NDUFAF2: variants seen among roughly 807,000 people sequenced by gnomAD.
The protein encoded by NDUFAF2 is NADH dehydrogenase [ubiquinone] 1 alpha subcomplex assembly factor 2.
NDUFAF2 carries 13 observed loss-of-function variants against 22.8 expected under a neutral mutation model. The ratio of observed to expected loss-of-function variants is 0.57; its 90% confidence interval spans 0.37 to 0.91. The LOEUF (loss-of-function observed/expected upper bound fraction) is 0.91, where lower values mean the gene tolerates loss of function less well. Among genes scored for constraint, NDUFAF2 ranks in the 40% least tolerant of loss-of-function variants. NDUFAF2 has a pLI of 0.01. For synonymous variants in NDUFAF2, 53 were observed against 64.2 expected (o/e 0.83, Z 0.84); for missense variants, 162 against 195.2 (o/e 0.83, Z 1.01).
At chr5:61,053,018 CAG>C (rs943880347) in intron 1 of NDUFAF2, among the ~76,000 whole-genome samples, 2 of 152,200 alleles carry the variant, frequency 1.3e-5, no homozygotes, top group African/African-American at 2.4e-5. Context: ...GTAAATGAAA[CAG>C]ATGTGAGTCA....
At chr5:61,126,155 G>A (rs1323175587) in intron 3 of NDUFAF2, among the ~76,000 whole-genome samples, 1 of 151,834 alleles carries the variant, frequency 6.6e-6, no homozygotes. Context: ...AAAAACATTT[G>A]GGTTAAAAAT....
intron 1 of NDUFAF2, among the ~76,000 whole-genome samples, chr5:61,061,865 G>T (rs1252356963): frequency 6.6e-6 from 1 of 152,168 alleles, no homozygotes; most frequent in East Asian, 1.9e-4. Context: ...TAAAGCCTGT[G>T]CCCTAATAAC....
intron 1 of NDUFAF2, among the ~76,000 whole-genome samples, chr5:60,953,500 TG>T (rs2112563782): frequency 6.6e-6 from 1 of 152,296 alleles, no homozygotes; most frequent in African/African-American, 2.4e-5. Context: ...CCCTGGATTC[TG>T]GGCCTTTCAC....
At chr5:61,117,522 A>G (rs770879006) in intron 3 of NDUFAF2, among the ~76,000 whole-genome samples, 18 of 152,048 alleles carry the variant, frequency 1.2e-4, no homozygotes, top group Non-Finnish European at 2.5e-4. Flanking sequence ...TGCCTGGCTA[A>G]CTTTTTTTGA....
chr5:60,946,181 G>A (rs1750450778), intron 1 of NDUFAF2, among the ~76,000 whole-genome samples: 1 of 152,068 alleles, frequency 6.6e-6, no homozygotes, highest in Admixed American at 6.5e-5. Context: ...TTGTTCCATC[G>A]CCGCATGCAG....
intron 1 of NDUFAF2, among the ~76,000 whole-genome samples, chr5:61,043,184 C>T (rs1751904405): frequency 6.6e-6 from 1 of 152,078 alleles, no homozygotes; most frequent in South Asian, 2.1e-4. Context: ...CACGCCATTG[C>T]ACTCCAGCCT....
intron 1 of NDUFAF2, among the ~76,000 whole-genome samples, chr5:60,969,261 A>G (rs1309422977): frequency 6.6e-6 from 1 of 152,038 alleles, no homozygotes; most frequent in Admixed American, 6.5e-5. Flanking sequence ...TGTTAGCTCA[A>G]TTTTTAGCTT....
At chr5:60,995,644 AC>A (rs1291434550) in intron 1 of NDUFAF2, among the ~76,000 whole-genome samples, 3 of 152,210 alleles carry the variant, frequency 2.0e-5, no homozygotes, top group Admixed American at 6.5e-5. Context: ...CCAACACAGC[AC>A]TTGATCTTGC....
At chr5:61,131,375 G>A (rs1561135155) in intron 3 of NDUFAF2, among the ~76,000 whole-genome samples, 1 of 151,294 alleles carries the variant, frequency 6.6e-6, no homozygotes, top group Non-Finnish European at 1.5e-5. Context: ...TTTTTGGTTT[G>A]TTTTTTATGT....
At chr5:61,025,079 A>G (rs1432019451) in intron 1 of NDUFAF2, among the ~76,000 whole-genome samples, 3 of 151,854 alleles carry the variant, frequency 2.0e-5, no homozygotes, top group Non-Finnish European at 2.9e-5. Flanking sequence ...CGTTCCCCTA[A>G]ATTTGTCCTC....
At chr5:61,028,854 A>C (rs1751689032) in intron 1 of NDUFAF2, among the ~76,000 whole-genome samples, 1 of 152,110 alleles carries the variant, frequency 6.6e-6, no homozygotes, top group African/African-American at 2.4e-5. Context: ...CTTTATTAGC[A>C]CTAGGTAACT....
chr5:61,002,160 C>T (rs1026872276), intron 1 of NDUFAF2, among the ~76,000 whole-genome samples: 4 of 152,112 alleles, frequency 2.6e-5, no homozygotes, highest in African/African-American at 9.7e-5. Context: ...CAACTCTTTC[C>T]TTAGTTCACA....
intron 2 of NDUFAF2, among the ~76,000 whole-genome samples, chr5:61,084,685 A>G (rs1281694743): frequency 2.0e-5 from 3 of 152,304 alleles, no homozygotes; most frequent in African/African-American, 7.2e-5. Flanking sequence ...ATAATATTCC[A>G]TTGTATATAG....
At chr5:61,034,116 C>G (rs994305200) in intron 1 of NDUFAF2, among the ~76,000 whole-genome samples, 1 of 151,908 alleles carries the variant, frequency 6.6e-6, no homozygotes, top group Admixed American at 6.6e-5. Flanking sequence ...AGAAGAGGAG[C>G]CTTCAGAAAG....
intron 1 of NDUFAF2, among the ~76,000 whole-genome samples, chr5:60,965,144 A>G (rs1484726409): frequency 6.6e-6 from 1 of 152,148 alleles, no homozygotes; most frequent in African/African-American, 2.4e-5. Flanking sequence ...CATGACAGAT[A>G]CAGAAGACAG....
intron 2 of NDUFAF2, among the ~76,000 whole-genome samples, chr5:61,098,571 T>G (rs1162653568): frequency 1.3e-5 from 2 of 152,210 alleles, no homozygotes; most frequent in East Asian, 3.8e-4. Context: ...CTAAGTCCCT[T>G]CCTTTATAAA....
rs145282577 is a variant in NDUFAF2, at chr5:60,958,410, T to C, written c.127+13028T>C. Among the ~76,000 whole-genome samples, 363 of 152,314 alleles carry C rather than the reference T, an allele frequency of 2.4e-3. 8 individuals carry two copies. Among genetic ancestry groups the C allele is most frequent in the African/African-American group, 8.5e-3 (353 of 41,582 alleles). On this transcript the variant is annotated intron_variant, in intron 1 of 3. Transcript: ENST00000296597. ...TGTAACAAATTGAAAACACATTTTT[T>C]TCATTCATTTTGTTCTCAGCTACTT...
chr5:60,968,658 A>T (rs1750789135), intron 1 of NDUFAF2, among the ~76,000 whole-genome samples: 1 of 152,014 alleles, frequency 6.6e-6, no homozygotes, highest in African/African-American at 2.4e-5. Context: ...AATAAATAAT[A>T]ATCAAATCAG....
chr5:60,963,608 T>C lies in NDUFAF2; in HGVS notation c.127+18226T>C, dbSNP rs1048081460. On this transcript the variant is annotated intron_variant, in intron 1 of 3. Coordinates refer to ENST00000296597, the MANE Select transcript of NDUFAF2 (RefSeq NM_174889.5). ...GTTCATCCATCTGACTGATATTTATTGTATACCTTGTAGGCCAGGCACAGT... is the reference window on the plus strand; with the variant it reads ...GTTCATCCATCTGACTGATATTTATCGTATACCTTGTAGGCCAGGCACAGT... Among the ~76,000 whole-genome samples the C allele has an allele frequency of 2.2e-4, 33 of 152,206 alleles. 1 individual carries two copies.
Sources: gnomAD v4.1 joint callset for allele counts (sites outside exome capture counted in the v4.1 genomes callset) on GRCh38, gnomAD v4.1.1 for gene constraint, MANE v1.5 for transcripts, NCBI Gene and HGNC (gene_info 2026-07-23, HGNC 2026-07-21) for gene names.